Variants in EFCAB6 observed in about 807,000 individuals in gnomAD.
EFCAB6 encodes EF-hand calcium binding domain 6.
A neutral mutation model predicts 169.8 loss-of-function variants in EFCAB6; 156 were observed. That is an observed-to-expected ratio of 0.92 (90% confidence interval 0.81 to 1.05). EFCAB6 has a LOEUF of 1.05. Ranked by LOEUF, EFCAB6 falls within the 50% of genes least tolerant of loss-of-function variation. The pLI, the probability that EFCAB6 is intolerant of heterozygous loss-of-function variation, is 0.00. For missense variants in EFCAB6, 1,800 were observed against 1,829.1 expected (o/e 0.98, Z 0.29); for synonymous variants, 698 against 676.4 (o/e 1.03, Z -0.50).
At position 43,590,182 on chromosome 22, in the gene EFCAB6, T is replaced by C; in HGVS notation, c.2924A>G (p.Lys975Arg). The change falls in exon 24 of 32, where the codon AAA (lysine) becomes AGA (arginine). Residue 975 changes from lysine (K) to arginine (R), a missense_variant. Transcript: ENST00000262726. ...GTAGTTGGTTTTGGATTGATCAGTT[T>C]TGGTGAATGCTTTGCTGATATCTTG... Reference protein sequence around the residue: ...RHQDISKAFTKTDQSKTNYIS... With the variant: ...RHQDISKAFTRTDQSKTNYIS... 4 of 1,614,170 alleles carry C rather than the reference T, an allele frequency of 2.5e-6. No individual in the cohort carries two copies. Among genetic ancestry groups the C allele is most frequent in the Non-Finnish European group, 3.4e-6 (4 of 1,180,022 alleles).
intron 31 of EFCAB6, 162 bp downstream of exon 31, chr22:43,530,653 C>A (rs904777535): frequency 1.0e-6 from 1 of 985,234 alleles, no homozygotes. Flanking sequence ...GCGAGTGGAC[C>A]CAGGACTGGA....
At chr22:43,589,939 C>G in intron 24 of EFCAB6, 135 bp downstream of exon 24, 1 of 1,175,708 alleles carries the variant, frequency 8.5e-7, no homozygotes. Flanking sequence ...CTAATGTAAC[C>G]CAGCAAACAG....
intron 21 of EFCAB6, among the ~76,000 whole-genome samples, chr22:43,611,026 T>C (rs1401613685): frequency 6.6e-6 from 1 of 152,176 alleles, no homozygotes; most frequent in Non-Finnish European, 1.5e-5. Flanking sequence ...GTCAGAAAGA[T>C]AGAAGTGGAG....
intron 17 of EFCAB6, among the ~76,000 whole-genome samples, chr22:43,636,303 T>A (rs1044783255): frequency 2.0e-5 from 3 of 152,092 alleles, no homozygotes; most frequent in Non-Finnish European, 4.4e-5. Context: ...GCAGCGGTGC[T>A]CACTGCATTC....
chr22:43,674,432 G>A (rs1416436785), intron 13 of EFCAB6, among the ~76,000 whole-genome samples: 1 of 152,180 alleles, frequency 6.6e-6, no homozygotes, highest in African/African-American at 2.4e-5. Context: ...CCCTGCGCAG[G>A]CTCCGGGGGT....
At chr22:43,587,394 A>T (rs73432008) in intron 24 of EFCAB6, among the ~76,000 whole-genome samples, 5,876 of 152,346 alleles carry the variant, frequency 0.039, 392 homozygotes, top group African/African-American at 0.13. Context: ...AGCAACACAC[A>T]TTGATTCTCT....
At chr22:43,773,170 A>T (rs1267310134) in intron 3 of EFCAB6, 67 bp from the exon 4 acceptor site, 2 of 1,511,724 alleles carry the variant, frequency 1.3e-6, no homozygotes, top group Non-Finnish European at 9.0e-7. Context: ...AAACTCTTGC[A>T]CTGTTGAACG....
chr22:43,605,792 C>A (rs531840301), intron 22 of EFCAB6, among the ~76,000 whole-genome samples: 5 of 152,068 alleles, frequency 3.3e-5, no homozygotes, highest in African/African-American at 1.2e-4. Flanking sequence ...TATTTTGACA[C>A]AGTAAAAAAG....
chr22:43,696,786 G>A (rs1418460638), intron 10 of EFCAB6, among the ~76,000 whole-genome samples: 2 of 152,156 alleles, frequency 1.3e-5, no homozygotes, highest in Non-Finnish European at 2.9e-5. Context: ...AATGGTTGCC[G>A]GAGGTGGGGG....
At chr22:43,590,690 A>G (rs1315161300) in intron 23 of EFCAB6, among the ~76,000 whole-genome samples, 1 of 151,862 alleles carries the variant, frequency 6.6e-6, no homozygotes, top group Non-Finnish European at 1.5e-5. Flanking sequence ...GGGGAGACAG[A>G]CAATAAACAG....
intron 11 of EFCAB6, among the ~76,000 whole-genome samples, chr22:43,685,483 C>T (rs1263775393): frequency 6.6e-6 from 1 of 152,176 alleles, no homozygotes; most frequent in African/African-American, 2.4e-5. Flanking sequence ...CACAAAAATG[C>T]ATTATCACAA....
chr22:43,615,757 A>C, intron 21 of EFCAB6, 69 bp downstream of exon 21: 1 of 1,385,000 alleles, frequency 7.2e-7, no homozygotes, highest in Non-Finnish European at 1.0e-6. Context: ...GAACAGCTTC[A>C]TCATCCCAGT....
intron 6 of EFCAB6, among the ~76,000 whole-genome samples, chr22:43,739,999 C>T (rs1270038665): frequency 6.6e-6 from 1 of 151,550 alleles, no homozygotes; most frequent in Non-Finnish European, 1.5e-5. Context: ...GCCGTGTCTC[C>T]CTCCACCTGC....
At chr22:43,670,927 C>T (rs144098807) in intron 15 of EFCAB6, among the ~76,000 whole-genome samples, 1 of 152,324 alleles carries the variant, frequency 6.6e-6, no homozygotes, top group African/African-American at 2.4e-5. Context: ...ATATGCTTGG[C>T]CCTGAGGTAG....
chr22:43,623,599 A>G (rs2054257028), intron 20 of EFCAB6, among the ~76,000 whole-genome samples: 2 of 152,150 alleles, frequency 1.3e-5, no homozygotes, highest in South Asian at 2.1e-4. Flanking sequence ...AGACTTTTAG[A>G]AAGGGGTGGT....
chr22:43,775,345 G>A (rs1320165044), intron 3 of EFCAB6, among the ~76,000 whole-genome samples: 2 of 152,172 alleles, frequency 1.3e-5, no homozygotes, highest in Non-Finnish European at 2.9e-5. Context: ...TGAATCCGGT[G>A]GGCCCATGAC....
rs1338789195 is a variant in EFCAB6 at position 43,688,912 on chromosome 22, G to A, written c.1032-1331C>T. 3.3e-5 allele frequency among the ~76,000 whole-genome samples: 5 copies of A among 152,340 alleles called. No individual in the cohort carries two copies. In the South Asian group the frequency reaches 1.0e-3, roughly 32 times the overall value. On this transcript the variant is annotated intron_variant, in intron 10 of 31. Transcript: ENST00000262726. The stretch of plus-strand genomic sequence containing the variant: ...GATTGCTAAAAATTAATGGCTGACA[G>A]CGAACTGGTTAGACAAACAAATTCT...
chr22:43,637,367 T>C (rs1453812137), intron 17 of EFCAB6, among the ~76,000 whole-genome samples: 2 of 152,232 alleles, frequency 1.3e-5, no homozygotes, highest in African/African-American at 4.8e-5. Flanking sequence ...TGTCATCCTT[T>C]TTGGTATTCG....
At chr22:43,598,288 T>A in intron 23 of EFCAB6, among the ~76,000 whole-genome samples, 1 of 114,400 alleles carries the variant, frequency 8.7e-6, no homozygotes, top group Non-Finnish European at 1.6e-5. Context: ...GCCTGGGTGA[T>A]GAAAGTGAGA....
Sources: allele counts gnomAD v4.1 joint callset (sites outside exome capture counted in the v4.1 genomes callset), GRCh38; gene constraint gnomAD v4.1.1; transcripts MANE v1.5; gene names NCBI Gene and HGNC (gene_info 2026-07-23, HGNC 2026-07-21).